THBS1: variants seen among roughly 807,000 people sequenced by gnomAD.
THBS1 encodes thrombospondin 1.
A neutral mutation model predicts 126.1 loss-of-function variants in THBS1; 29 were observed. That is an observed-to-expected ratio of 0.23 (90% CI 0.17 to 0.31). The LOEUF is 0.31. THBS1 is among the 10% of genes least tolerant of loss of function. The pLI is 1.00. For missense variants in THBS1, 1,198 were observed against 1,545.2 expected, an observed-to-expected ratio of 0.78 and a Z score of 3.77; for synonymous variants, 496 against 577.8, an observed-to-expected ratio of 0.86 and a Z score of 2.03.
intron 6 of THBS1, among the ~76,000 whole-genome samples, chr15:39,585,175 T>C (rs1368060192): frequency 1.3e-5 from 2 of 152,200 alleles, no homozygotes; most frequent in Non-Finnish European, 2.9e-5. Flanking sequence ...ATTTGACCCA[T>C]GATGTTTGTT....
rs751733166 is a variant in THBS1 at position 39,581,910 on chromosome 15, C to G, written c.53C>G (p.Thr18Ser). The change falls in exon 2 of 22, where the codon ACC becomes AGC. Residue 18 changes from threonine to serine, a missense_variant. Physicochemically the swap from Thr to Ser is moderately conservative, Grantham distance 58. This residue lies in a region of THBS1 where 271 missense variants were observed against 277.0 expected (regional missense o/e 0.98). Transcript: ENST00000260356. ...GVLFLMHVCG[T>S]NRIPESGGDN... ...CTGTTCCTGATGCATGTGTGTGGCA[C>G]CAACCGCATTCCAGGTGAGTTTGTG... 1.9e-6 allele frequency: 3 copies of G among 1,614,120 alleles called. No homozygotes were observed. The highest frequency in any genetic ancestry group is 2.5e-6 in the Non-Finnish European group (3 of 1,180,012).
rs935728189 is a variant in THBS1, at chr15:39,588,121, G to A, written c.1374G>A (p.Arg458=). ...SVTCGDGVIT[R]IRLCNSPSPQ... Reference sequence around the variant, plus strand: ...CATGTGGTGATGGTGTGATCACAAGGATCCGGCTCTGCAACTCTCCCAGCC... The same window carrying A: ...CATGTGGTGATGGTGTGATCACAAGAATCCGGCTCTGCAACTCTCCCAGCC... The change falls in exon 9 of 22, where the codon AGG becomes AGA. Residue 458 remains arginine, a synonymous_variant. Transcript: ENST00000260356. The A allele has an allele frequency of 6.2e-6, 10 of 1,614,228 alleles. No homozygotes were observed. The highest frequency in any genetic ancestry group is 1.3e-5 in the African/African-American group (1 of 75,064).
At chr15:39,582,995 A>G (rs1890142404) in intron 3 of THBS1, among the ~76,000 whole-genome samples, 1 of 152,254 alleles carries the variant, frequency 6.6e-6, no homozygotes, top group African/African-American at 2.4e-5. Flanking sequence ...TGGTCTGGGA[A>G]GCACACTTTG....
chr15:39,588,322 G>A (rs1193237981), intron 9 of THBS1, 104 bp downstream of exon 9: 2 of 1,408,620 alleles, frequency 1.4e-6, no homozygotes, highest in Non-Finnish European at 1.9e-6. Context: ...GAGCAGGAAG[G>A]TTACCTACTA....
rs146738150 is a variant in THBS1 at position 39,587,405 on chromosome 15, G to A, written c.1179G>A (p.Thr393=). The part of the protein sequence containing the change: ...SPWSEWTSCS[T]SCGNGIQQRG... ...GGTCCGAGTGGACCTCCTGTTCTAC[G>A]AGCTGTGGCAATGGAATTCAGCAGC... Residue 393 remains threonine (T), a synonymous_variant, in exon 8 of 22, where the codon ACG becomes ACA. Coordinates refer to ENST00000260356, the MANE Select transcript of THBS1 (RefSeq NM_003246.4). The A allele has an allele frequency of 1.0e-4, 161 of 1,613,812 alleles. No homozygotes were observed. The highest frequency in any genetic ancestry group is 1.3e-4 in the Non-Finnish European group (154 of 1,180,026).
Position 39,584,168 on chromosome 15 carries a change from A to G in THBS1, c.884A>G (p.Gln295Arg). 6.2e-7 allele frequency: 1 copy of G among 1,614,188 alleles called. No individual in the cohort carries two copies. ...RGLRTIVTTLQDSIRKVTEEN... is the reference protein window; with the variant it reads ...RGLRTIVTTLRDSIRKVTEEN... ...CTGCGCACCATTGTGACCACGCTGC[A>G]GGACAGCATCCGCAAAGTGGTCAGT... The change falls in exon 5 of 22, where the codon CAG becomes CGG. Residue 295 changes from glutamine (Q) to arginine (R), a missense_variant. Transcript: ENST00000260356.
Position 39,589,398 on chromosome 15 carries a change from C to A in THBS1, c.1926+44C>A, listed in dbSNP as rs1890283033. The A allele has an allele frequency of 1.2e-6, 2 of 1,603,638 alleles. No homozygotes were observed. Among genetic ancestry groups the A allele is most frequent in the Non-Finnish European group, 1.7e-6 (2 of 1,174,508 alleles). The stretch of plus-strand genomic sequence containing the variant: ...GTAAACCAGAGGACAGGAGAGCTGT[C>A]CTTGACCAAAATAACTGGGAGCGGG... On this transcript the variant is annotated intron_variant, in intron 12 of 21. Transcript: ENST00000260356. The surrounding 1 kb of genome is among the most constrained non-coding windows in gnomAD (Gnocchi z 4.7).
chr15:39,595,428 GA>G lies in THBS1; in HGVS notation c.*61del. On this transcript the variant is annotated 3_prime_UTR_variant, in exon 22 of 22. Coordinates refer to ENST00000260356, the MANE Select transcript of THBS1 (RefSeq NM_003246.4). ...ACCAATGCTGGTATTGCACCTTCTG[GA>G]ACTATGGGCTTGAGAAAACCCCCAG... 6.7e-7 allele frequency: 1 copy of G among 1,484,856 alleles called. No homozygotes were observed. The highest frequency in any genetic ancestry group is 9.0e-7 in the Non-Finnish European group (1 of 1,116,282). The allele number at this position is 1,484,856 out of a possible 1,614,324, so 92.0% of individuals were successfully genotyped here.
At chr15:39,581,519 C>CA (rs34034211) in intron 1 of THBS1, among the ~76,000 whole-genome samples, 4 of 151,778 alleles carry the variant, frequency 2.6e-5, no homozygotes, top group African/African-American at 9.7e-5. Context: ...TGTACTTCCC[C>CA]TGCCCTCCCT....
rs1261333898 is a variant in THBS1 at position 39,594,123 on chromosome 15, C to T, written c.3292C>T (p.Arg1098Cys). ...GGTGCGCACCCTGTGGCATGACCCTCGTCACATAGGCTGGAAAGATTTCAC... is the reference window on the plus strand; with the variant it reads ...GGTGCGCACCCTGTGGCATGACCCTTGTCACATAGGCTGGAAAGATTTCAC... ...GQVRTLWHDP[R>C]HIGWKDFTAY... Residue 1098 changes from arginine (R) to cysteine (C), a missense_variant, in exon 20 of 22, where the codon CGT (arginine) becomes TGT (cysteine). Arg to Cys is a radical substitution (Grantham distance 180). Around this residue, in one of 4 missense-constraint regions of THBS1, gnomAD observed 255 missense variants for 373.9 expected, o/e 0.68. Coordinates refer to ENST00000260356, the MANE Select transcript of THBS1 (RefSeq NM_003246.4). The surrounding 1 kb of genome is among the most constrained non-coding windows in gnomAD (Gnocchi z 4.4). 1 of 1,614,082 alleles carries T rather than the reference C, an allele frequency of 6.2e-7. No homozygotes were observed. Among genetic ancestry groups the T allele is most frequent in the East Asian group, 2.2e-5 (1 of 44,884 alleles).
chr15:39,598,683 A>G lies in THBS1; in HGVS notation c.*3314A>G, dbSNP rs1191834511. The G allele has an allele frequency of 6.6e-6, 1 of 152,198 alleles. No individual in the cohort carries two copies. The highest frequency in any genetic ancestry group is 2.4e-5 in the African/African-American group (1 of 41,450). 9.4% of individuals were successfully genotyped at this position (152,198 alleles called of 1,614,324 possible). On this transcript the variant is annotated 3_prime_UTR_variant, in exon 22 of 22. Coordinates refer to ENST00000260356, the MANE Select transcript of THBS1 (RefSeq NM_003246.4). ...GTACTGAAATAAAGGACTTGTTAAA[A>G]ATTAAAATTATGTCATCGAGATGAT...
Position 39,582,138 on chromosome 15 carries a change from C to T in THBS1, c.68-55C>T, listed in dbSNP as rs530902661. The T allele has an allele frequency of 6.0e-5, 92 of 1,534,858 alleles. No homozygotes were observed. The African/African-American group carries it at 1.0e-3, about 17-fold the overall frequency. ...GTCTCCACCCCTAAGGACTCAGCCC[C>T]CTACTGCTGGTCCCAGCCTAGAAAG... On this transcript the variant is annotated intron_variant, in intron 2 of 21. Coordinates refer to ENST00000260356, the MANE Select transcript of THBS1 (RefSeq NM_003246.4).
At position 39,595,387 on chromosome 15, in the gene THBS1, G is replaced by C. The variant is rs200672473; in HGVS notation, c.*18G>C. The C allele has an allele frequency of 8.7e-6, 13 of 1,496,192 alleles. No individual in the cohort carries two copies. The highest frequency in any genetic ancestry group is 1.1e-5 in the Non-Finnish European group (12 of 1,120,478). The allele number at this position is 1,496,192 out of a possible 1,614,324, so 92.7% of individuals were successfully genotyped here. ...ATCCCTAATCATCAAATTGTTGATT[G>C]AAAGACTGATCATAAACCAATGCTG... On this transcript the variant is annotated 3_prime_UTR_variant, in exon 22 of 22. Coordinates refer to ENST00000260356, the MANE Select transcript of THBS1 (RefSeq NM_003246.4).
At position 39,594,134 on chromosome 15, in the gene THBS1, CT is replaced by C; in HGVS notation, c.3304del (p.Trp1102GlyfsTer23). 6.2e-7 allele frequency: 1 copy of C among 1,614,138 alleles called. No homozygotes were observed. The highest frequency in any genetic ancestry group is 8.5e-7 in the Non-Finnish European group (1 of 1,179,992). On this transcript the variant is annotated frameshift_variant, in exon 20 of 22. Transcript: ENST00000260356. LOFTEE classifies it high-confidence loss of function. This position sits in a 1 kb window ranked among gnomAD's most constrained non-coding sequence, Gnocchi z 4.4. ...TLWHDPRHIG[W>X]KDFTAYRWRL... ...TGTGGCATGACCCTCGTCACATAGG[CT>C]GGAAAGATTTCACCGCCTACAGATG... is the stretch of plus-strand genomic sequence containing the variant.
intron 13 of THBS1, 25 bp from the exon 14 acceptor site, chr15:39,590,491 G>A: frequency 1.3e-6 from 2 of 1,575,016 alleles, no homozygotes; most frequent in Non-Finnish European, 8.7e-7. Context: ...AACTGAAGCA[G>A]TGATATATAT....
Position 39,587,344 on chromosome 15 carries a change from C to T in THBS1, c.1121-3C>T, listed in dbSNP as rs1308190911. The T allele has an allele frequency of 6.2e-7, 1 of 1,608,602 alleles. No homozygotes were observed. The highest frequency in any genetic ancestry group is 1.3e-5 in the African/African-American group (1 of 74,896). On this transcript the variant is annotated splice_polypyrimidine_tract_variant and splice_region_variant and intron_variant, in intron 7 of 21. Transcript: ENST00000260356. Reference sequence around the variant, plus strand: ...ACCTGATGAACCTCTGTTTCCCCTGCAGCCAGCGACTCTGCGGACGATGGC... The same window carrying T: ...ACCTGATGAACCTCTGTTTCCCCTGTAGCCAGCGACTCTGCGGACGATGGC...
chr15:39,591,152 G>A, intron 14 of THBS1, 39 bp from the exon 15 acceptor site: 1 of 1,600,664 alleles, frequency 6.2e-7, no homozygotes, highest in Non-Finnish European at 8.5e-7. Context: ...CTGTTTTCAA[G>A]GACAACATTG....
At position 39,582,569 on chromosome 15, in the gene THBS1, GGC is replaced by G; in HGVS notation, c.445_446del (p.Ala149AsnfsTer23). 1 of 1,614,152 alleles carries G rather than the reference GGC, an allele frequency of 6.2e-7. No individual in the cohort carries two copies. Among genetic ancestry groups the G allele is most frequent in the Non-Finnish European group, 8.5e-7 (1 of 1,180,044 alleles). On this transcript the variant is annotated frameshift_variant, in exon 3 of 22. Coordinates refer to ENST00000260356, the MANE Select transcript of THBS1 (RefSeq NM_003246.4). LOFTEE classifies it high-confidence loss of function. ...TGGTGTCTGTGGAAGAAGCTCTCCT[GGC>G]AACCGGCCAGTGGAAGAGCATCACC... ...HVVSVEEALL[A>X]TGQWKSITLF... is the part of the protein sequence containing the mutation.
chr15:39,590,710 T>C lies in THBS1; in HGVS notation c.2253+87T>C, dbSNP rs975118771. The C allele has an allele frequency of 3.0e-5, 29 of 972,766 alleles. No individual in the cohort carries two copies. The African/African-American group carries it at 3.9e-4, about 13-fold the overall frequency. The allele number at this position is 972,766 out of a possible 1,614,324, so 60.3% of individuals were successfully genotyped here. On this transcript the variant is annotated intron_variant, in intron 14 of 21. Coordinates refer to ENST00000260356, the MANE Select transcript of THBS1 (RefSeq NM_003246.4). ...GGGATTCAAGGAAATTACATGGCTA[T>C]AGCAAAAAATATACCAAATCAATAC... is the stretch of plus-strand genomic sequence containing the variant.
Sources: gnomAD v4.1 joint callset for allele counts (sites outside exome capture counted in the v4.1 genomes callset) on GRCh38, gnomAD v4.1.1 for gene constraint, gnomAD v4.1.1 regional missense constraint, Gnocchi (gnomAD v3.1) non-coding constraint, MANE v1.5 for transcripts, NCBI Gene and HGNC (gene_info 2026-07-23, HGNC 2026-07-21) for gene names.